Variants in SPG11 observed in about 807,000 individuals in gnomAD.
The protein encoded by SPG11 is SPG11 vesicle trafficking associated, spatacsin.
Under a neutral mutation model 274.0 loss-of-function variants are expected in SPG11, and 222 were observed. The observed-to-expected ratio is 0.81, with a 90% CI of 0.73 to 0.91. SPG11 has a LOEUF of 0.91. Among genes scored for constraint, SPG11 ranks in the 40% least tolerant of loss-of-function variants. SPG11 has a pLI of 0.00. For synonymous variants in SPG11, 1,144 were observed against 1,039.7 expected, an observed-to-expected ratio of 1.10 and a Z score of -1.93; for missense variants, 3,114 against 2,872.7, an observed-to-expected ratio of 1.08 and a Z score of -1.92.
chr15:44,600,419 C>T (rs377460387), intron 21 of SPG11, 48 bp downstream of exon 21: 1 of 1,600,424 alleles, frequency 6.2e-7, no homozygotes, highest in African/African-American at 1.3e-5. Context: ...GCTGGGATTA[C>T]AGGTGTGAAC....
At chr15:44,601,341 A>G (rs1437578701) in intron 20 of SPG11, among the ~76,000 whole-genome samples, 4 of 151,624 alleles carry the variant, frequency 2.6e-5, no homozygotes, top group South Asian at 2.1e-4. Flanking sequence ...GCTCACTGCA[A>G]TCTCCACTTC....
At chr15:44,592,026 G>A (rs1050920428) in intron 27 of SPG11, among the ~76,000 whole-genome samples, 1 of 151,026 alleles carries the variant, frequency 6.6e-6, no homozygotes, top group Non-Finnish European at 1.5e-5. Flanking sequence ...CAGGAGAATC[G>A]CTTGAACCTG....
At chr15:44,640,667 G>T (rs1189573914) in intron 7 of SPG11, among the ~76,000 whole-genome samples, 2 of 152,176 alleles carry the variant, frequency 1.3e-5, no homozygotes, top group African/African-American at 4.8e-5. Context: ...ACAAATTCAT[G>T]CATATGTGGA....
intron 29 of SPG11, 91 bp from the exon 30 acceptor site, chr15:44,584,649 G>T: frequency 6.8e-7 from 1 of 1,471,428 alleles, no homozygotes; most frequent in Non-Finnish European, 9.3e-7. Flanking sequence ...TACTTGTTTG[G>T]ACAGGGTCTC....
Position 44,584,412 on chromosome 15 carries a change from G to C in SPG11, c.5268C>G (p.Ala1756=). 6.2e-7 allele frequency: 1 copy of C among 1,614,148 alleles called. No individual in the cohort carries two copies. The highest frequency in any genetic ancestry group is 8.5e-7 in the Non-Finnish European group (1 of 1,180,028). Reference sequence around the variant, plus strand: ...CAGTTGGGTGCTCACATGCCACATGGGCCTGGGTTGAGAAAAAGGAAGAAG... The same window carrying C: ...CAGTTGGGTGCTCACATGCCACATGCGCCTGGGTTGAGAAAAAGGAAGAAG... The part of the protein sequence containing the change: ...KAASSFFSTQ[A]HVACEHPTGW... The change falls in exon 30 of 40, where the codon GCC becomes GCG. Residue 1756 remains alanine, a synonymous_variant. Transcript: ENST00000261866.
intron 9 of SPG11, 143 bp downstream of exon 9, chr15:44,629,090 C>A: frequency 2.0e-6 from 2 of 992,786 alleles, no homozygotes; most frequent in South Asian, 1.4e-5. Context: ...AAACCCATTT[C>A]ACTTACTCAA....
intron 7 of SPG11, among the ~76,000 whole-genome samples, chr15:44,634,642 A>G (rs1005632453): frequency 6.6e-6 from 1 of 151,940 alleles, no homozygotes; most frequent in Admixed American, 6.6e-5. Flanking sequence ...GCTGGAGTGC[A>G]GTGGTTTCAT....
At chr15:44,592,151 TG>T (rs2082916269) in intron 27 of SPG11, among the ~76,000 whole-genome samples, 179 bp downstream of exon 27, 1 of 151,448 alleles carries the variant, frequency 6.6e-6, no homozygotes, top group Admixed American at 6.6e-5. Context: ...CCACGCTACT[TG>T]GGAGGCTGAG....
At chr15:44,571,783 C>G (rs1247952164) in intron 33 of SPG11, among the ~76,000 whole-genome samples, 1 of 152,110 alleles carries the variant, frequency 6.6e-6, no homozygotes, top group Non-Finnish European at 1.5e-5. Context: ...AGGCTTGAGC[C>G]ACTGCGCCTG....
intron 7 of SPG11, among the ~76,000 whole-genome samples, chr15:44,642,737 G>A (rs1276507708): frequency 6.6e-6 from 1 of 151,778 alleles, no homozygotes; most frequent in East Asian, 1.9e-4. Flanking sequence ...GGGTGCAGTT[G>A]TATATACCTA....
chr15:44,632,517 A>AT (rs544008892), intron 8 of SPG11, among the ~76,000 whole-genome samples: 1,629 of 142,726 alleles, frequency 0.011, 31 homozygotes, highest in East Asian at 0.039. Flanking sequence ...GTCTGGGTGA[A>AT]TTTTTTTTTT....
chr15:44,640,030 G>A (rs1202356522), intron 7 of SPG11, among the ~76,000 whole-genome samples: 1 of 152,116 alleles, frequency 6.6e-6, no homozygotes, highest in Non-Finnish European at 1.5e-5. Flanking sequence ...CTAACACAGT[G>A]AAACCCCGTC....
chr15:44,601,959 G>A (rs1331280993), intron 20 of SPG11, among the ~76,000 whole-genome samples: 3 of 152,124 alleles, frequency 2.0e-5, no homozygotes, highest in African/African-American at 7.2e-5. Flanking sequence ...TTATTCCGAA[G>A]TATTTTGTGT....
rs1490285331 is a variant in SPG11 at position 44,562,744 on chromosome 15, A to T, written c.*377T>A. On this transcript the variant is annotated 3_prime_UTR_variant, in exon 40 of 40. Coordinates refer to ENST00000261866, the MANE Select transcript of SPG11 (RefSeq NM_025137.4). Reference sequence around the variant, plus strand: ...CAGAAAGATCAGTTTCTAACAAATGAAAATGTATCACCTGTTCCTTAACTG... The same window carrying T: ...CAGAAAGATCAGTTTCTAACAAATGTAAATGTATCACCTGTTCCTTAACTG... 5.6e-6 allele frequency: 1 copy of T among 179,554 alleles called. No homozygotes were observed. The highest frequency in any genetic ancestry group is 1.5e-4 in the East Asian group (1 of 6,810). 11.1% of individuals were successfully genotyped at this position (179,554 alleles called of 1,614,324 possible). A position where few individuals can be genotyped will look rare whatever the true frequency, so the allele number is the denominator to read the frequency against.
At position 44,625,960 on chromosome 15, in the gene SPG11, G is replaced by A. The variant is rs527907728; in HGVS notation, c.2244+371C>T. On this transcript the variant is annotated intron_variant, in intron 11 of 39. Coordinates refer to ENST00000261866, the MANE Select transcript of SPG11 (RefSeq NM_025137.4). ...CTCCCAAAGTGCTGGGATTACAGGC[G>A]TGAGCCACCACGCCCGGCTCAGGTA... is the stretch of plus-strand genomic sequence containing the variant. Among the ~76,000 whole-genome samples the A allele has an allele frequency of 6.4e-4, 97 of 152,282 alleles. 2 individuals are homozygous for A. The highest frequency in any genetic ancestry group is 6.5e-4 in the Admixed American group (10 of 15,288).
chr15:44,656,420 G>GTA (rs1214293219), intron 4 of SPG11, among the ~76,000 whole-genome samples: 6 of 152,226 alleles, frequency 3.9e-5, no homozygotes, highest in African/African-American at 4.8e-5. Flanking sequence ...ATGCAAGAAA[G>GTA]TAACTGTATG....
intron 7 of SPG11, among the ~76,000 whole-genome samples, chr15:44,636,943 A>AAAC (rs2084285662): frequency 1.7e-5 from 2 of 116,034 alleles, no homozygotes; most frequent in African/African-American, 7.1e-5. Flanking sequence ...AAAAAAAAAA[A>AAAC]AAAAAAAAAA....
At chr15:44,642,280 A>G (rs144868829) in intron 7 of SPG11, among the ~76,000 whole-genome samples, 7,086 of 150,270 alleles carry the variant, frequency 0.047, 434 homozygotes, top group African/African-American at 0.13. Context: ...CAGGAGAATC[A>G]CTTGAACCCA....
chr15:44,650,149 T>G (rs937193212), intron 6 of SPG11, among the ~76,000 whole-genome samples: 2 of 152,118 alleles, frequency 1.3e-5, no homozygotes, highest in African/African-American at 4.8e-5. Flanking sequence ...AATGCATATC[T>G]GAAATATCAA....
Sources: gnomAD v4.1 joint callset for allele counts (sites outside exome capture counted in the v4.1 genomes callset) on GRCh38, gnomAD v4.1.1 for gene constraint, MANE v1.5 for transcripts, NCBI Gene and HGNC (gene_info 2026-07-23, HGNC 2026-07-21) for gene names.